Variants in FOXP2 observed in about 807,000 individuals in gnomAD.
FOXP2 encodes forkhead box protein P2.
A neutral mutation model predicts 115.8 loss-of-function variants in FOXP2; 12 were observed. The ratio of observed to expected loss-of-function variants is 0.10; its 90% confidence interval spans 0.07 to 0.17. The LOEUF (loss-of-function observed/expected upper bound fraction) is 0.17, where lower values mean the gene tolerates loss of function less well. Among genes scored for constraint, FOXP2 ranks in the 10% least tolerant of loss-of-function variants. FOXP2 has a pLI of 1.00. For synonymous variants in FOXP2, 328 were observed against 297.7 expected (o/e 1.10, Z -1.05); for missense variants, 629 against 843.5 (o/e 0.75, Z 3.15).
chr7:114,088,221 G>C (rs1005386263), intron 1 of FOXP2: 1 of 150,582 alleles, frequency 6.6e-6, no homozygotes, highest in African/African-American at 2.5e-5. Context: ...AGTACTCTTC[G>C]CTCCCTGGTG....
intron 1 of FOXP2, among the ~76,000 whole-genome samples, chr7:114,168,304 C>A (rs750933148): frequency 6.6e-5 from 10 of 152,088 alleles, no homozygotes; most frequent in Non-Finnish European, 1.2e-4. Flanking sequence ...TTCCTAAAGA[C>A]TTTTTGAATG....
rs1189001052 is a variant in FOXP2, at chr7:114,691,241, C to T, written c.*1315C>T. 1 of 453,580 alleles carries T rather than the reference C, an allele frequency of 2.2e-6. No homozygotes were observed. Among genetic ancestry groups the T allele is most frequent in the South Asian group, 1.6e-5 (1 of 64,362 alleles). The allele number at this position is 453,580 out of a possible 1,614,324, so 28.1% of individuals were successfully genotyped here. Reference sequence around the variant, plus strand: ...GTATGGTCTTAATCTTTGTTGTGTACTATTTTTTTATAGTCTTAAGTTATA... The same window carrying T: ...GTATGGTCTTAATCTTTGTTGTGTATTATTTTTTTATAGTCTTAAGTTATA... On this transcript the variant is annotated 3_prime_UTR_variant, in exon 17 of 17. Transcript: ENST00000350908.
At chr7:114,194,014 C>G (rs1224262599) in intron 1 of FOXP2, among the ~76,000 whole-genome samples, 1 of 113,766 alleles carries the variant, frequency 8.8e-6, no homozygotes, top group Non-Finnish European at 2.1e-5. Flanking sequence ...TTTTACTAAG[C>G]CTTGCTGTAA....
intron 1 of FOXP2, among the ~76,000 whole-genome samples, chr7:114,179,540 G>A (rs781697267): frequency 1.3e-5 from 2 of 151,734 alleles, no homozygotes; most frequent in Non-Finnish European, 2.9e-5. Context: ...AAAAATATTC[G>A]GTGAATGAAT....
chr7:114,221,637 A>G (rs1794625303), intron 1 of FOXP2, among the ~76,000 whole-genome samples: 1 of 151,962 alleles, frequency 6.6e-6, no homozygotes, highest in Non-Finnish European at 1.5e-5. Flanking sequence ...ATGTCTCCCT[A>G]GGGCTGTATA....
chr7:114,424,570 T>C (rs1562918068), intron 1 of FOXP2, among the ~76,000 whole-genome samples: 1 of 151,530 alleles, frequency 6.6e-6, no homozygotes, highest in African/African-American at 2.4e-5. Context: ...TTAAACATTG[T>C]GCATGTAAAA....
At chr7:114,305,568 A>G (rs1459919690) in intron 2 of FOXP2, among the ~76,000 whole-genome samples, 2 of 152,156 alleles carry the variant, frequency 1.3e-5, no homozygotes, top group Non-Finnish European at 2.9e-5. Flanking sequence ...CTGTAAAATT[A>G]TTCTTATAAA....
At chr7:114,224,539 A>T (rs1216594057) in intron 1 of FOXP2, among the ~76,000 whole-genome samples, 1 of 152,196 alleles carries the variant, frequency 6.6e-6, no homozygotes, top group Non-Finnish European at 1.5e-5. Context: ...ATCAACATTT[A>T]TATTATGTGC....
intron 2 of FOXP2, among the ~76,000 whole-genome samples, chr7:114,395,679 A>G (rs1296704632): frequency 1.3e-5 from 2 of 152,196 alleles, no homozygotes; most frequent in Non-Finnish European, 2.9e-5. Flanking sequence ...TGAGATGTAG[A>G]TTTGAGAGAG....
intron 1 of FOXP2, among the ~76,000 whole-genome samples, chr7:114,249,367 C>A (rs537327012): frequency 1.3e-5 from 2 of 152,066 alleles, no homozygotes; most frequent in African/African-American, 2.4e-5. Flanking sequence ...CTCCTTCCCC[C>A]CCGTTCCCCC....
intron 1 of FOXP2, among the ~76,000 whole-genome samples, chr7:114,091,737 G>T (rs1222860590): frequency 6.6e-6 from 1 of 151,738 alleles, no homozygotes; most frequent in Non-Finnish European, 1.5e-5. Context: ...CATTCTTCCA[G>T]TTTGCCAAGT....
At chr7:114,590,750 A>T (rs1802400090) in intron 3 of FOXP2, among the ~76,000 whole-genome samples, 1 of 152,090 alleles carries the variant, frequency 6.6e-6, no homozygotes, top group South Asian at 2.1e-4. Context: ...ATGATGAATG[A>T]TTATCTAGGG....
chr7:114,295,745 G>T (rs1796727827), intron 2 of FOXP2, among the ~76,000 whole-genome samples: 1 of 152,162 alleles, frequency 6.6e-6, no homozygotes, highest in African/African-American at 2.4e-5. Flanking sequence ...ACCTGGTATT[G>T]TATAAGCAAT....
At chr7:114,213,440 T>C (rs1212874406) in intron 1 of FOXP2, among the ~76,000 whole-genome samples, 2 of 152,360 alleles carry the variant, frequency 1.3e-5, no homozygotes, top group East Asian at 1.9e-4. Flanking sequence ...AAAGTTTGTT[T>C]ACTTAAATAA....
At chr7:114,345,083 T>G (rs1446718219) in intron 2 of FOXP2, among the ~76,000 whole-genome samples, 2 of 151,874 alleles carry the variant, frequency 1.3e-5, no homozygotes, top group African/African-American at 4.8e-5. Flanking sequence ...AAACAATTTT[T>G]TTATTTCTTT....
intron 2 of FOXP2, among the ~76,000 whole-genome samples, chr7:114,456,337 C>T (rs1795312128): frequency 6.6e-6 from 1 of 152,118 alleles, no homozygotes; most frequent in African/African-American, 2.4e-5. Context: ...AAACAGTAAC[C>T]CAGGTACAGT....
chr7:114,448,034 G>A (rs1462568292), intron 2 of FOXP2, among the ~76,000 whole-genome samples: 3 of 152,122 alleles, frequency 2.0e-5, no homozygotes, highest in Admixed American at 6.5e-5. Flanking sequence ...CTTATAGATT[G>A]AGTATAAAAT....
intron 1 of FOXP2, among the ~76,000 whole-genome samples, chr7:114,201,425 A>G (rs1283105021): frequency 6.6e-6 from 1 of 152,146 alleles, no homozygotes; most frequent in East Asian, 1.9e-4. Flanking sequence ...TCATTCCACA[A>G]CATCCCTGTC....
At chr7:114,148,670 T>C (rs951948737) in intron 1 of FOXP2, among the ~76,000 whole-genome samples, 2 of 152,206 alleles carry the variant, frequency 1.3e-5, no homozygotes, top group African/African-American at 2.4e-5. Flanking sequence ...GCAAACTGCT[T>C]TCCTGTATAT....
Sources: gnomAD v4.1 joint callset for allele counts (sites outside exome capture counted in the v4.1 genomes callset) on GRCh38, gnomAD v4.1.1 for gene constraint, MANE v1.5 for transcripts, NCBI Gene and HGNC (gene_info 2026-07-23, HGNC 2026-07-21) for gene names.